The following HS3ST3A1 variants were observed in gnomAD, a reference collection of about 807,000 sequenced individuals.
HS3ST3A1 encodes the protein heparan sulfate glucosamine 3-O-sulfotransferase 3A1.
A neutral mutation model predicts 25.7 loss-of-function variants in HS3ST3A1; 19 were observed. The ratio of observed to expected loss-of-function variants is 0.74; its 90% CI spans 0.52 to 1.08. The LOEUF is 1.08. Among genes scored for constraint, HS3ST3A1 ranks in the 50% least tolerant of loss-of-function variants. HS3ST3A1 has a pLI of 0.00. For missense variants in HS3ST3A1, 459 were observed against 594.3 expected, an observed-to-expected ratio of 0.77 and a Z score of 2.37; for synonymous variants, 226 against 278.6, an observed-to-expected ratio of 0.81 and a Z score of 1.88.
At chr17:13,536,841 A>T (rs1284559274) in intron 1 of HS3ST3A1, among the ~76,000 whole-genome samples, 1 of 151,898 alleles carries the variant, frequency 6.6e-6, no homozygotes, top group Non-Finnish European at 1.5e-5. Context: ...TAAAATTCTC[A>T]TTTTTCTTTT....
intron 1 of HS3ST3A1, among the ~76,000 whole-genome samples, chr17:13,584,534 A>AGAAG (rs1462567228): frequency 6.8e-6 from 1 of 147,604 alleles, no homozygotes; most frequent in South Asian, 2.1e-4. Flanking sequence ...AAGGAAGGAA[A>AGAAG]GAAGGAAGGA....
At chr17:13,531,394 G>C (rs1166782078) in intron 1 of HS3ST3A1, among the ~76,000 whole-genome samples, 1 of 152,130 alleles carries the variant, frequency 6.6e-6, no homozygotes, top group East Asian at 1.9e-4. Context: ...GGTGGAGTTT[G>C]GGTGGGGTGC....
chr17:13,536,812 T>C (rs1359557915), intron 1 of HS3ST3A1, among the ~76,000 whole-genome samples: 1 of 152,212 alleles, frequency 6.6e-6, no homozygotes, highest in African/African-American at 2.4e-5. Context: ...TTTGGTTTAA[T>C]GCACTGACAC....
intron 1 of HS3ST3A1, among the ~76,000 whole-genome samples, chr17:13,512,967 G>C (rs1567611122): frequency 6.6e-6 from 1 of 152,126 alleles, no homozygotes; most frequent in East Asian, 1.9e-4. Flanking sequence ...GTTGTTAGGA[G>C]GGAATATTTG....
chr17:13,544,558 T>C (rs970674015), intron 1 of HS3ST3A1, among the ~76,000 whole-genome samples: 36 of 152,200 alleles, frequency 2.4e-4, no homozygotes, highest in African/African-American at 7.5e-4. Context: ...CCCCAGCCTC[T>C]TTGTGTGGAT....
chr17:13,571,411 ATTTTAGCAAG>A (rs1211842324), intron 1 of HS3ST3A1, among the ~76,000 whole-genome samples: 1 of 152,216 alleles, frequency 6.6e-6, no homozygotes, highest in East Asian at 1.9e-4. Flanking sequence ...TTGATGCATT[ATTTTAGCAAG>A]TGCTCTACGC....
chr17:13,503,429 T>A (rs1035779691), intron 1 of HS3ST3A1, among the ~76,000 whole-genome samples: 1 of 152,074 alleles, frequency 6.6e-6, no homozygotes, highest in Non-Finnish European at 1.5e-5. Context: ...AAGAGAAGAT[T>A]TTTGAATGCT....
intron 1 of HS3ST3A1, among the ~76,000 whole-genome samples, chr17:13,536,236 G>A (rs1906766419): frequency 2.0e-5 from 3 of 151,946 alleles, no homozygotes; most frequent in Admixed American, 1.3e-4. Context: ...TGACAACTTT[G>A]CCTGCAATGT....
chr17:13,516,017 T>C (rs1396064941), intron 1 of HS3ST3A1, among the ~76,000 whole-genome samples: 1 of 152,146 alleles, frequency 6.6e-6, no homozygotes, highest in Non-Finnish European at 1.5e-5. Flanking sequence ...AAAAGTTCTT[T>C]ATATATTCAC....
intron 1 of HS3ST3A1, among the ~76,000 whole-genome samples, chr17:13,498,253 G>T (rs115548608): frequency 2.0e-5 from 3 of 152,048 alleles, no homozygotes; most frequent in Admixed American, 6.6e-5. Flanking sequence ...TGATGGCCCC[G>T]ATACTTCCTT....
In HS3ST3A1 at chr17:13,601,352, G is replaced by A; in HGVS notation, c.-223C>T. 1 of 490,950 alleles carries A rather than the reference G, an allele frequency of 2.0e-6. No individual in the cohort carries two copies. The highest frequency in any genetic ancestry group is 3.5e-6 in the Non-Finnish European group (1 of 282,982). 30.4% of individuals were successfully genotyped at this position (490,950 alleles called of 1,614,324 possible). A position where few individuals can be genotyped will look rare whatever the true frequency, so the allele number is the denominator to read the frequency against. On this transcript the variant is annotated 5_prime_UTR_variant, in exon 1 of 2. Transcript: ENST00000284110. ...ATCCCTGCCTCCAGTCGAGGGAGCG[G>A]GAAGGGGAACGCGGGTCCGTGCTTA...
chr17:13,530,810 G>A (rs12949787), intron 1 of HS3ST3A1, among the ~76,000 whole-genome samples: 67,882 of 151,992 alleles, frequency 0.45, 17,311 homozygotes, highest in African/African-American at 0.71. Flanking sequence ...CATTTTTTCA[G>A]TGTGACAAAT....
intron 1 of HS3ST3A1, among the ~76,000 whole-genome samples, chr17:13,499,019 T>C (rs1905373919): frequency 1.3e-5 from 2 of 152,206 alleles, no homozygotes; most frequent in South Asian, 4.1e-4. Flanking sequence ...AGACATTTGC[T>C]TTCTGTTTCT....
chr17:13,511,454 G>A (rs1420732174), intron 1 of HS3ST3A1, among the ~76,000 whole-genome samples: 1 of 152,086 alleles, frequency 6.6e-6, no homozygotes, highest in Non-Finnish European at 1.5e-5. Flanking sequence ...TCCTATCAGA[G>A]AGCATGAAAT....
At chr17:13,522,135 C>G (rs924786905) in intron 1 of HS3ST3A1, among the ~76,000 whole-genome samples, 1 of 151,956 alleles carries the variant, frequency 6.6e-6, no homozygotes, top group Non-Finnish European at 1.5e-5. Context: ...AAATATCAGA[C>G]AGCATAGCAT....
chr17:13,589,040 G>A (rs1908352928), intron 1 of HS3ST3A1, among the ~76,000 whole-genome samples: 1 of 152,150 alleles, frequency 6.6e-6, no homozygotes, highest in African/African-American at 2.4e-5. Flanking sequence ...CTCCAGCTGT[G>A]GATTGTCTAA....
intron 1 of HS3ST3A1, among the ~76,000 whole-genome samples, chr17:13,544,998 A>C (rs979039469): frequency 6.6e-6 from 1 of 152,210 alleles, no homozygotes; most frequent in African/African-American, 2.4e-5. Flanking sequence ...ACTGTTTATG[A>C]AAAGATGAAT....
chr17:13,564,911 G>A (rs192208409), intron 1 of HS3ST3A1, among the ~76,000 whole-genome samples: 4 of 151,912 alleles, frequency 2.6e-5, no homozygotes, highest in East Asian at 1.9e-4. Flanking sequence ...TAGTAGAGAC[G>A]GGGTTCTGCC....
At chr17:13,512,592 G>A (rs1253023779) in intron 1 of HS3ST3A1, among the ~76,000 whole-genome samples, 1 of 152,132 alleles carries the variant, frequency 6.6e-6, no homozygotes, top group African/African-American at 2.4e-5. Flanking sequence ...ACAAACACTG[G>A]ACTGGGTACT....
Sources: allele counts gnomAD v4.1 joint callset (sites outside exome capture counted in the v4.1 genomes callset), GRCh38; gene constraint gnomAD v4.1.1; transcripts MANE v1.5; gene names NCBI Gene and HGNC (gene_info 2026-07-23, HGNC 2026-07-21).